The following DAB1 variants were observed in gnomAD, a reference collection of about 807,000 sequenced individuals.
DAB1 encodes the protein disabled homolog 1.
A neutral mutation model predicts 64.6 loss-of-function variants in DAB1; 15 were observed. That is an observed-to-expected ratio of 0.23 (90% CI 0.16 to 0.36). DAB1 has a LOEUF of 0.36. DAB1 is among the 10% of genes least tolerant of loss of function. The pLI is 1.00. For synonymous variants in DAB1, 235 were observed against 251.9 expected (o/e 0.93, Z 0.64); for missense variants, 596 against 706.7 (o/e 0.84, Z 1.78).
At chr1:58,195,398 T>A (rs1056822920) in intron 4 of DAB1, among the ~76,000 whole-genome samples, 1 of 151,912 alleles carries the variant, frequency 6.6e-6, no homozygotes, top group Non-Finnish European at 1.5e-5. Flanking sequence ...TGCAAAGACA[T>A]AGAGGCACAA....
intron 2 of DAB1, among the ~76,000 whole-genome samples, chr1:58,518,277 G>GGGGAGAGGA (rs1646199064): frequency 4.2e-4 from 1 of 2,400 alleles, no homozygotes; most frequent in Non-Finnish European, 7.7e-4. Context: ...AGAGAGGAGA[G>GGGGAGAGGA]GAGAAGAGAA....
intron 5 of DAB1, among the ~76,000 whole-genome samples, chr1:57,990,264 T>C (rs964311735): frequency 5.3e-5 from 8 of 152,234 alleles, no homozygotes; most frequent in Non-Finnish European, 2.9e-5. Context: ...TATGCCACTA[T>C]GAGGTAGACT....
chr1:57,332,595 C>A (rs1333355077), intron 1 of DAB1, among the ~76,000 whole-genome samples: 3 of 152,156 alleles, frequency 2.0e-5, no homozygotes, highest in African/African-American at 7.2e-5. Context: ...ATCAGTCTTC[C>A]AATGACTCCA....
intron 4 of DAB1, among the ~76,000 whole-genome samples, chr1:58,181,996 T>C (rs1385012624): frequency 6.6e-6 from 1 of 152,040 alleles, no homozygotes; most frequent in Non-Finnish European, 1.5e-5. Context: ...TAGCCACAAA[T>C]TCATTTAGTC....
chr1:57,535,117 C>T (rs980574572), intron 7 of DAB1, among the ~76,000 whole-genome samples: 2 of 152,134 alleles, frequency 1.3e-5, no homozygotes, highest in Admixed American at 6.6e-5. Flanking sequence ...TAGCACTCCT[C>T]CCTCATAATT....
At chr1:57,270,705 C>A (rs1313187664) in intron 2 of DAB1, among the ~76,000 whole-genome samples, 1 of 152,220 alleles carries the variant, frequency 6.6e-6, no homozygotes, top group African/African-American at 2.4e-5. Context: ...GGTGACCCTG[C>A]AATGAACACA....
chr1:58,490,759 C>CAAGCCAGA (rs1397119200), intron 3 of DAB1, among the ~76,000 whole-genome samples: 1 of 141,388 alleles, frequency 7.1e-6, no homozygotes, highest in Non-Finnish European at 1.5e-5. Flanking sequence ...AGAAACTCTA[C>CAAGCCAGA]AAGCCAGAAG....
chr1:58,286,180 T>TAC (rs1351277450), intron 4 of DAB1, among the ~76,000 whole-genome samples: 1 of 152,092 alleles, frequency 6.6e-6, no homozygotes, highest in African/African-American at 2.4e-5. Flanking sequence ...ATGGATTAAA[T>TAC]ACTTCAATGT....
At chr1:58,456,544 G>A (rs706459) in intron 3 of DAB1, among the ~76,000 whole-genome samples, 119,872 of 152,108 alleles carry the variant, frequency 0.79, 48,517 homozygotes, top group African/African-American at 0.91. Context: ...ACTAGGGAAG[G>A]CTGAGTGAGG....
At chr1:57,843,798 C>T (rs1345758960) in intron 1 of DAB1, among the ~76,000 whole-genome samples, 1 of 152,156 alleles carries the variant, frequency 6.6e-6, no homozygotes, top group Non-Finnish European at 1.5e-5. Context: ...CACCTGGGCT[C>T]TGGGATCTCT....
chr1:57,876,104 C>G (rs1157801756), intron 1 of DAB1: 4 of 152,146 alleles, frequency 2.6e-5, no homozygotes. Flanking sequence ...CTTTCTTGCT[C>G]TTTTTTGTTA....
At chr1:57,257,393 C>T (rs1669845199) in intron 2 of DAB1, among the ~76,000 whole-genome samples, 2 of 152,190 alleles carry the variant, frequency 1.3e-5, no homozygotes, top group Non-Finnish European at 2.9e-5. Context: ...AAACTTAATG[C>T]CTAGCATTTT....
At position 57,367,089 on chromosome 1, in the gene DAB1, A is replaced by AAAAT. The variant is rs1570381311; in HGVS notation, c.-137+56837_-137+56840dup. Among the ~76,000 whole-genome samples the AAAAT allele has an allele frequency of 3.8e-5, 5 of 130,856 alleles. No individual in the cohort carries two copies. In the East Asian group the frequency reaches 1.0e-3, roughly 27 times the overall value. The allele number at this position is 130,856 out of a possible 152,430, so 85.8% of individuals were successfully genotyped here. On this transcript the variant is annotated intron_variant, in intron 1 of 14. Coordinates refer to ENST00000371236, the MANE Select transcript of DAB1 (RefSeq NM_001365792.1). ...AAAATAAAATAAAATAAAATAAAAT[A>AAAAT]AAATAAAATAAAATAAAATAAAATA...
chr1:58,300,636 G>GAC (rs1557726215), intron 4 of DAB1, among the ~76,000 whole-genome samples: 11 of 59,220 alleles, frequency 1.9e-4, no homozygotes, highest in African/African-American at 6.1e-4. Flanking sequence ...GAGAGAGAGA[G>GAC]AGAGAGAGAG....
Position 58,509,536 on chromosome 1 carries a change from TA to T in DAB1, n.108-3328del, listed in dbSNP as rs59473637. ...GGTTTATAATGATAAACACCTACATTAAAAAAAAAAAGAAGAAAGCAAGCAA... is the reference window on the plus strand; with the variant it reads ...GGTTTATAATGATAAACACCTACATTAAAAAAAAAAGAAGAAAGCAAGCAA... On this transcript the variant is annotated intron_variant and non_coding_transcript_variant, in intron 2 of 20. Coordinates refer to the DAB1 transcript ENST00000485760. 2.5e-3 allele frequency among the ~76,000 whole-genome samples: 291 copies of T among 116,756 alleles called. 4 individuals carry two copies. In the East Asian group the frequency reaches 0.036, roughly 14 times the overall value. 76.6% of individuals were successfully genotyped at this position (116,756 alleles called of 152,430 possible).
At chr1:57,810,267 G>A (rs560430395) in intron 6 of DAB1, among the ~76,000 whole-genome samples, 26 of 152,120 alleles carry the variant, frequency 1.7e-4, no homozygotes, top group Non-Finnish European at 3.2e-4. Context: ...AAGAGAAGAG[G>A]GCCTATTGCC....
intron 7 of DAB1, among the ~76,000 whole-genome samples, chr1:57,471,468 T>A (rs1687131138): frequency 6.6e-6 from 1 of 152,216 alleles, no homozygotes; most frequent in South Asian, 2.1e-4. Flanking sequence ...GTCACTGATA[T>A]GGTTTGGCTG....
At chr1:58,331,941 A>G (rs910824425) in intron 4 of DAB1, among the ~76,000 whole-genome samples, 1 of 152,320 alleles carries the variant, frequency 6.6e-6, no homozygotes, top group South Asian at 2.1e-4. Flanking sequence ...AGTGGGGAGA[A>G]TTAAAACTAT....
intron 3 of DAB1, among the ~76,000 whole-genome samples, chr1:58,355,797 G>A (rs1644105417): frequency 6.6e-6 from 1 of 152,138 alleles, no homozygotes; most frequent in Non-Finnish European, 1.5e-5. Flanking sequence ...CATACCTCCT[G>A]TGTTATAAGA....
Sources: allele counts gnomAD v4.1 joint callset (sites outside exome capture counted in the v4.1 genomes callset), GRCh38; gene constraint gnomAD v4.1.1; transcripts MANE v1.5; gene names NCBI Gene and HGNC (gene_info 2026-07-23, HGNC 2026-07-21).